Variants in CDH13 observed in about 807,000 individuals in gnomAD.
CDH13 encodes cadherin-13.
Under a neutral mutation model 63.8 loss-of-function variants are expected in CDH13, and 24 were observed. That is an observed-to-expected ratio of 0.38 (90% CI 0.27 to 0.53). The LOEUF is 0.53. CDH13 is among the 20% of genes least tolerant of loss of function. The pLI, the probability that CDH13 is intolerant of heterozygous loss-of-function variation, is 0.85. For synonymous variants in CDH13, 503 were observed against 355.3 expected (o/e 1.42, Z -4.67); for missense variants, 1,049 against 903.1 (o/e 1.16, Z -2.07).
intron 4 of CDH13, among the ~76,000 whole-genome samples, chr16:83,166,298 G>T (rs1305479502): frequency 6.6e-6 from 1 of 152,084 alleles, no homozygotes; most frequent in South Asian, 2.1e-4. Context: ...CTCTAACATG[G>T]TGTTTAAGCA....
intron 7 of CDH13, among the ~76,000 whole-genome samples, chr16:83,536,666 G>C (rs546297548): frequency 4.6e-5 from 7 of 152,304 alleles, no homozygotes; most frequent in Admixed American, 3.9e-4. Flanking sequence ...TCTTTGGAAA[G>C]ATGATTCTGG....
At chr16:83,191,025 A>C (rs1480423013) in intron 4 of CDH13, among the ~76,000 whole-genome samples, 2 of 151,856 alleles carry the variant, frequency 1.3e-5, no homozygotes, top group African/African-American at 2.4e-5. Flanking sequence ...GCAAATAATC[A>C]ATCAAATTGC....
intron 5 of CDH13, among the ~76,000 whole-genome samples, chr16:83,339,962 A>T (rs989104134): frequency 6.6e-6 from 1 of 152,172 alleles, no homozygotes; most frequent in Non-Finnish European, 1.5e-5. Flanking sequence ...ATGGAGGAAA[A>T]TAATTCTGTT....
In CDH13 at chr16:82,769,523, G is replaced by A. The variant is rs529731348; in HGVS notation, c.46-88839G>A. ...GAGGCCACGTTGAACCTCTAATTCT[G>A]GAGAATGGTAACATTGAAGAGGACA... On this transcript the variant is annotated intron_variant, in intron 1 of 13. Coordinates refer to ENST00000567109, the MANE Select transcript of CDH13 (RefSeq NM_001257.5). Among the ~76,000 whole-genome samples the A allele has an allele frequency of 8.1e-4, 123 of 152,284 alleles. No homozygotes were observed. The Middle Eastern group carries it at 0.01, about 13-fold the overall frequency.
intron 5 of CDH13, among the ~76,000 whole-genome samples, chr16:83,337,232 C>A (rs2090618432): frequency 2.0e-5 from 3 of 152,158 alleles, no homozygotes; most frequent in Non-Finnish European, 4.4e-5. Context: ...CCTGCTCACC[C>A]AACCCCCCAC....
chr16:83,395,708 A>C (rs1021748249), intron 6 of CDH13, among the ~76,000 whole-genome samples: 1 of 152,198 alleles, frequency 6.6e-6, no homozygotes, highest in Admixed American at 6.5e-5. Context: ...GGTAGATATC[A>C]CATAGTGGTT....
chr16:83,486,977 A>G (rs1373798721), intron 7 of CDH13, among the ~76,000 whole-genome samples: 1 of 152,036 alleles, frequency 6.6e-6, no homozygotes, highest in Non-Finnish European at 1.5e-5. Flanking sequence ...GCTAGAAGGG[A>G]GAGGGAAGGA....
chr16:82,758,713 G>A (rs376675928), intron 1 of CDH13, among the ~76,000 whole-genome samples: 60 of 152,294 alleles, frequency 3.9e-4, no homozygotes, highest in African/African-American at 1.4e-3. Context: ...TCTTCTAAAT[G>A]GGCTATGGGT....
intron 2 of CDH13, among the ~76,000 whole-genome samples, chr16:82,978,454 A>G (rs1196733782): frequency 6.6e-6 from 1 of 152,148 alleles, no homozygotes; most frequent in African/African-American, 2.4e-5. Flanking sequence ...TTGGAGGAAA[A>G]AATGGCTTTG....
chr16:83,194,371 A>G (rs1389971069), intron 4 of CDH13, among the ~76,000 whole-genome samples: 1 of 152,226 alleles, frequency 6.6e-6, no homozygotes, highest in African/African-American at 2.4e-5. Flanking sequence ...GACTGACTAC[A>G]TAGAAAGAAA....
chr16:83,565,354 C>G lies in CDH13; in HGVS notation c.961-37100C>G, dbSNP rs531322842. Among the ~76,000 whole-genome samples, 9 of 149,750 alleles carry G rather than the reference C, an allele frequency of 6.0e-5. No individual in the cohort carries two copies. The South Asian group carries it at 1.9e-3, about 32-fold the overall frequency. ...CCTGACAACCCTGACCTCACATGCC[C>G]TTGGGATTTCCGTTCCTCTTCCACT... is the stretch of plus-strand genomic sequence containing the variant. On this transcript the variant is annotated intron_variant, in intron 7 of 13. Transcript: ENST00000567109.
rs529717301 is a variant in CDH13 at position 83,483,107 on chromosome 16, A to C, written c.782-3370A>C. Among the ~76,000 whole-genome samples, 51 of 152,338 alleles carry C rather than the reference A, an allele frequency of 3.3e-4. 1 individual carries two copies. In the Middle Eastern group the frequency reaches 0.01, roughly 30 times the overall value. On this transcript the variant is annotated intron_variant, in intron 6 of 13. Coordinates refer to ENST00000567109, the MANE Select transcript of CDH13 (RefSeq NM_001257.5). ...ACCGAGGCTCAGAGAGAGATGAATA[A>C]TGTGGCCACGGTCACGCAGCTTGAA... is the stretch of plus-strand genomic sequence containing the variant.
At chr16:83,339,001 A>G (rs996904053) in intron 5 of CDH13, among the ~76,000 whole-genome samples, 31 of 152,186 alleles carry the variant, frequency 2.0e-4, no homozygotes, top group African/African-American at 7.2e-4. Flanking sequence ...TGGAAGCCCT[A>G]TAGAAAACAG....
intron 1 of CDH13, among the ~76,000 whole-genome samples, chr16:82,813,232 C>T (rs575269016): frequency 8.4e-4 from 127 of 151,124 alleles, no homozygotes; most frequent in Non-Finnish European, 1.6e-3. Context: ...GAGTTAAGGG[C>T]TCTGGACAAT....
chr16:82,791,776 A>G (rs935777376), intron 1 of CDH13, among the ~76,000 whole-genome samples: 1 of 152,186 alleles, frequency 6.6e-6, no homozygotes, highest in African/African-American at 2.4e-5. Flanking sequence ...AACTGGGCTG[A>G]ACACTAGTTG....
chr16:82,665,322 C>T (rs569858532), intron 1 of CDH13, among the ~76,000 whole-genome samples: 2 of 152,178 alleles, frequency 1.3e-5, no homozygotes, highest in South Asian at 2.1e-4. Context: ...AGCTTTGTTC[C>T]AGCATGAGTT....
intron 1 of CDH13, among the ~76,000 whole-genome samples, chr16:82,838,606 G>C (rs1230168613): frequency 6.6e-6 from 1 of 152,054 alleles, no homozygotes; most frequent in African/African-American, 2.4e-5. Context: ...TTCCTCAATT[G>C]TGCCTTCTCT....
intron 7 of CDH13, among the ~76,000 whole-genome samples, chr16:83,499,977 AT>A (rs1436126581): frequency 6.6e-6 from 1 of 151,838 alleles, no homozygotes; most frequent in African/African-American, 2.4e-5. Context: ...TAATTTTTGT[AT>A]TTTTAGTAGA....
Position 83,252,948 on chromosome 16 carries a change from C to A in CDH13, c.636+35451C>A, listed in dbSNP as rs139154665. On this transcript the variant is annotated intron_variant, in intron 5 of 13. Coordinates refer to ENST00000567109, the MANE Select transcript of CDH13 (RefSeq NM_001257.5). ...GGTTGACCTTAATTAACTTTCTGAA[C>A]CTCTGTGTCCTCTCTTCTAAAGTGT... Among the ~76,000 whole-genome samples the A allele has an allele frequency of 2.2e-3, 337 of 152,242 alleles. 3 individuals carry two copies. Among genetic ancestry groups the A allele is most frequent in the African/African-American group, 7.7e-3 (319 of 41,546 alleles).
Sources: gnomAD v4.1 joint callset for allele counts (sites outside exome capture counted in the v4.1 genomes callset) on GRCh38, gnomAD v4.1.1 for gene constraint, MANE v1.5 for transcripts, NCBI Gene and HGNC (gene_info 2026-07-23, HGNC 2026-07-21) for gene names.